Variants in NFIB observed in about 807,000 individuals in gnomAD.
The protein encoded by NFIB is nuclear factor I B, also known as nuclear factor 1 B-type.
Under a neutral mutation model 61.5 loss-of-function variants are expected in NFIB, and 11 were observed. That is an observed-to-expected ratio of 0.18 (90% CI 0.11 to 0.30). NFIB has a LOEUF of 0.30. Ranked by LOEUF, NFIB falls within the 10% of genes least tolerant of loss-of-function variation. NFIB has a pLI of 1.00. For missense variants in NFIB, 471 were observed against 608.9 expected, an observed-to-expected ratio of 0.77 and a Z score of 2.38; for synonymous variants, 260 against 216.5, an observed-to-expected ratio of 1.20 and a Z score of -1.76.
intron 2 of NFIB, among the ~76,000 whole-genome samples, chr9:14,193,394 C>T (rs143727876): frequency 1.3e-3 from 201 of 152,192 alleles, no homozygotes; most frequent in East Asian, 0.01. Context: ...CAAACAACTT[C>T]GAAATGCTTA....
the NFIB span, among the ~76,000 whole-genome samples, chr9:14,404,723 T>C: frequency 6.6e-6 from 1 of 152,176 alleles, no homozygotes. Context: ...ACTTGGGAGC[T>C]AGTGAGTTAA....
chr9:14,103,464 C>T (rs2036071977), intron 10 of NFIB, among the ~76,000 whole-genome samples: 1 of 152,006 alleles, frequency 6.6e-6, no homozygotes, highest in African/African-American at 2.4e-5. Flanking sequence ...ACCTTGTTTG[C>T]TGCTTTTCAG....
the NFIB span, among the ~76,000 whole-genome samples, chr9:14,420,561 G>A: frequency 6.7e-6 from 1 of 149,270 alleles, no homozygotes; most frequent in East Asian, 2.0e-4. Context: ...ATCTTTTACT[G>A]ATGAAGATAT....
chr9:14,493,051 TACTATTGCTGCTCAAGG>T, the NFIB span, among the ~76,000 whole-genome samples: 1 of 152,218 alleles, frequency 6.6e-6, no homozygotes, highest in Non-Finnish European at 1.5e-5. Flanking sequence ...TAGCAGTGAT[TACTATTGCTGCTCAAGG>T]GTAGAGCTCA....
At position 14,281,766 on chromosome 9, in the gene NFIB, T is replaced by C. The variant is rs565359019; in HGVS notation, c.562+25223A>G. On this transcript the variant is annotated intron_variant, in intron 2 of 10. Coordinates refer to ENST00000380953, the MANE Select transcript of NFIB (RefSeq NM_001190737.2). ...GCTCCAGGGCATGTCAGGTCACTTATGACCTTGACTAAATGATTATAATCC... is the reference window on the plus strand; with the variant it reads ...GCTCCAGGGCATGTCAGGTCACTTACGACCTTGACTAAATGATTATAATCC... Among the ~76,000 whole-genome samples the C allele has an allele frequency of 6.6e-5, 10 of 152,296 alleles. No homozygotes were observed. In the South Asian group the frequency reaches 2.1e-3, roughly 32 times the overall value.
chr9:14,370,994 C>T (rs1316370092), intron 1 of NFIB, among the ~76,000 whole-genome samples: 1 of 152,146 alleles, frequency 6.6e-6, no homozygotes, highest in African/African-American at 2.4e-5. Context: ...ATTCAGGAGG[C>T]TGAGGCAGGA....
chr9:14,448,248 C>T, the NFIB span, among the ~76,000 whole-genome samples: 5 of 152,146 alleles, frequency 3.3e-5, no homozygotes, highest in Admixed American at 3.3e-4. Flanking sequence ...TTAACTATGT[C>T]ATATGAATCT....
At chr9:14,346,783 G>A (rs1231727431) in intron 1 of NFIB, among the ~76,000 whole-genome samples, 1 of 152,178 alleles carries the variant, frequency 6.6e-6, no homozygotes, top group Non-Finnish European at 1.5e-5. Context: ...AACCTTGAGG[G>A]GGGGATCTTT....
the NFIB span, among the ~76,000 whole-genome samples, chr9:14,456,906 T>C: frequency 6.6e-6 from 1 of 152,218 alleles, no homozygotes; most frequent in African/African-American, 2.4e-5. Context: ...CAGAATTGTT[T>C]GCAAAATCAA....
intron 2 of NFIB, among the ~76,000 whole-genome samples, chr9:14,183,723 T>G (rs990988926): frequency 6.6e-6 from 1 of 152,080 alleles, no homozygotes; most frequent in African/African-American, 2.4e-5. Context: ...GGAAAGATTT[T>G]GATGCAGTAG....
At chr9:14,462,872 A>G in the NFIB span, among the ~76,000 whole-genome samples, 27 of 152,310 alleles carry the variant, frequency 1.8e-4, no homozygotes, top group Admixed American at 7.8e-4. Flanking sequence ...AGTTATTAAC[A>G]TGTTTTAAAG....
chr9:14,231,786 C>A (rs2131945841), intron 2 of NFIB, among the ~76,000 whole-genome samples: 2 of 152,254 alleles, frequency 1.3e-5, no homozygotes, highest in African/African-American at 4.8e-5. Context: ...ATCCTCCTTG[C>A]ATAAAAAGAG....
the NFIB span, among the ~76,000 whole-genome samples, chr9:14,497,692 C>T: frequency 1.3e-5 from 2 of 152,198 alleles, no homozygotes; most frequent in African/African-American, 2.4e-5. Flanking sequence ...TCACTGTACA[C>T]GTGCTTTATC....
At chr9:14,418,262 G>A in the NFIB span, among the ~76,000 whole-genome samples, 1 of 151,968 alleles carries the variant, frequency 6.6e-6, no homozygotes, top group Non-Finnish European at 1.5e-5. Context: ...TTCCTCCTTT[G>A]AGCAGCGAAA....
chr9:14,252,971 G>A (rs1002897152), intron 2 of NFIB, among the ~76,000 whole-genome samples: 2 of 144,934 alleles, frequency 1.4e-5, no homozygotes, highest in African/African-American at 5.1e-5. Context: ...GGAAGGAAGG[G>A]AGGGAGGGAG....
chr9:14,517,409 T>C, the NFIB span, among the ~76,000 whole-genome samples: 5 of 152,200 alleles, frequency 3.3e-5, no homozygotes, highest in African/African-American at 1.2e-4. Context: ...GCTACTTGGA[T>C]GACACAGATG....
chr9:14,343,907 A>G (rs1422990632), intron 1 of NFIB, among the ~76,000 whole-genome samples: 1 of 152,118 alleles, frequency 6.6e-6, no homozygotes, highest in African/African-American at 2.4e-5. Context: ...TAAAAACTGA[A>G]GTGCAAATGG....
At chr9:14,157,006 T>C (rs1277818211) in intron 3 of NFIB, among the ~76,000 whole-genome samples, 2 of 152,152 alleles carry the variant, frequency 1.3e-5, no homozygotes, top group African/African-American at 4.8e-5. Context: ...GGGATTTGAA[T>C]CCTAGCCACA....
the NFIB span, among the ~76,000 whole-genome samples, chr9:14,502,510 A>G: frequency 6.6e-6 from 1 of 152,180 alleles, no homozygotes; most frequent in Non-Finnish European, 1.5e-5. Context: ...TTGCTCAAAC[A>G]TCACTGGATT....
Sources: gnomAD v4.1 joint callset for allele counts (sites outside exome capture counted in the v4.1 genomes callset) on GRCh38, gnomAD v4.1.1 for gene constraint, MANE v1.5 for transcripts, NCBI Gene and HGNC (gene_info 2026-07-23, HGNC 2026-07-21) for gene names.